The following MYO1E variants were observed in gnomAD, a reference collection of about 807,000 sequenced individuals.
The protein encoded by MYO1E is myosin IE, also known as unconventional myosin-Ie.
In MYO1E, 68 loss-of-function variants were observed where a neutral mutation model predicts 151.1. The observed-to-expected ratio is 0.45, with a 90% CI of 0.37 to 0.55. The LOEUF (loss-of-function observed/expected upper bound fraction) is 0.55, where lower values mean the gene tolerates loss of function less well. MYO1E is among the 20% of genes least tolerant of loss of function. MYO1E has a pLI of 0.00. For synonymous variants in MYO1E, 601 were observed against 501.7 expected (o/e 1.20, Z -2.64); for missense variants, 1,363 against 1,389.3 (o/e 0.98, Z 0.30).
chr15:59,137,574 G>T, intron 27 of MYO1E, 118 bp from the exon 28 acceptor site: 1 of 846,368 alleles, frequency 1.2e-6, no homozygotes, highest in Non-Finnish European at 2.0e-6. Context: ...TTTTCCCTTT[G>T]TTCTTTAAAT....
At chr15:59,367,672 T>C (rs567153274) in intron 1 of MYO1E, among the ~76,000 whole-genome samples, 13 of 152,334 alleles carry the variant, frequency 8.5e-5, no homozygotes, top group African/African-American at 3.1e-4. Context: ...CTACTGGGTA[T>C]GCAGTGAACG....
chr15:59,235,461 T>A (rs928025741), intron 5 of MYO1E, among the ~76,000 whole-genome samples: 1 of 152,244 alleles, frequency 6.6e-6, no homozygotes, highest in Non-Finnish European at 1.5e-5. Context: ...CTTTTGTAAT[T>A]AATGATACAT....
chr15:59,308,305 G>A (rs544934606), intron 1 of MYO1E, among the ~76,000 whole-genome samples: 5 of 151,628 alleles, frequency 3.3e-5, no homozygotes, highest in Non-Finnish European at 5.9e-5. Flanking sequence ...GGAGGCTGAG[G>A]GGGGCAGATC....
At chr15:59,244,035 C>T (rs1420530496) in intron 4 of MYO1E, among the ~76,000 whole-genome samples, 1 of 152,092 alleles carries the variant, frequency 6.6e-6, no homozygotes, top group Non-Finnish European at 1.5e-5. Flanking sequence ...AAATACATGC[C>T]ATGGCTAATG....
intron 18 of MYO1E, among the ~76,000 whole-genome samples, chr15:59,182,775 G>A (rs188391311): frequency 3.4e-4 from 51 of 152,224 alleles, no homozygotes; most frequent in Middle Eastern, 3.4e-3. Context: ...AGACAGATCC[G>A]GATAATCAAC....
At chr15:59,195,048 C>G (rs1450946408) in intron 17 of MYO1E, among the ~76,000 whole-genome samples, 1 of 152,202 alleles carries the variant, frequency 6.6e-6, no homozygotes, top group Admixed American at 6.5e-5. Context: ...TTTCCATCAG[C>G]TCTTACGCCC....
intron 1 of MYO1E, among the ~76,000 whole-genome samples, chr15:59,273,484 AAC>A (rs1467002867): frequency 6.6e-6 from 1 of 152,210 alleles, no homozygotes; most frequent in African/African-American, 2.4e-5. Context: ...ATGCGTCAAT[AAC>A]AGTCAACATA....
intron 25 of MYO1E, among the ~76,000 whole-genome samples, chr15:59,154,966 A>G (rs1239843081): frequency 1.2e-4 from 19 of 152,206 alleles, no homozygotes; most frequent in Non-Finnish European, 2.5e-4. Context: ...AGACCAGATC[A>G]GAACTAGACA....
chr15:59,208,318 T>C (rs2079853983), intron 14 of MYO1E: 1 of 559,726 alleles, frequency 1.8e-6, no homozygotes, highest in Non-Finnish European at 3.2e-6. Flanking sequence ...GCACTTGCCA[T>C]GTTATATATA....
Position 59,362,247 on chromosome 15 carries a change from A to G in MYO1E, c.3+10251T>C, listed in dbSNP as rs142556578. ...TTTGTGTTTTTGACATTTTTCTTAC[A>G]TGGTTTCAGATATGCGTCTTTCTAC... is the stretch of plus-strand genomic sequence containing the variant. On this transcript the variant is annotated intron_variant, in intron 1 of 27. Coordinates refer to ENST00000288235, the MANE Select transcript of MYO1E (RefSeq NM_004998.4). Among the ~76,000 whole-genome samples, 1,100 of 152,298 alleles carry G rather than the reference A, an allele frequency of 7.2e-3. 15 individuals carry two copies. Among genetic ancestry groups the G allele is most frequent in the African/African-American group, 0.026 (1,065 of 41,566 alleles).
intron 1 of MYO1E, among the ~76,000 whole-genome samples, chr15:59,329,303 T>C (rs773032177): frequency 1.3e-5 from 2 of 152,156 alleles, no homozygotes; most frequent in Non-Finnish European, 2.9e-5. Flanking sequence ...TGTTCTAACC[T>C]ATATTCAGTG....
chr15:59,341,699 C>T (rs1302903954), intron 1 of MYO1E, among the ~76,000 whole-genome samples: 1 of 152,072 alleles, frequency 6.6e-6, no homozygotes, highest in Non-Finnish European at 1.5e-5. Context: ...TTTTTTATTG[C>T]TGATTAGTAC....
chr15:59,353,732 G>A (rs753070048), intron 1 of MYO1E, among the ~76,000 whole-genome samples: 3 of 142,922 alleles, frequency 2.1e-5, no homozygotes, highest in Non-Finnish European at 3.0e-5. Flanking sequence ...ACCCCAGCTT[G>A]AGCAACAAGA....
intron 26 of MYO1E, among the ~76,000 whole-genome samples, chr15:59,151,061 G>C (rs1397148946): frequency 1.3e-5 from 2 of 148,628 alleles, no homozygotes; most frequent in South Asian, 4.2e-4. Context: ...GCGCGCGCGC[G>C]CACGTGCACT....
chr15:59,198,710 G>A (rs1007523765), intron 16 of MYO1E, among the ~76,000 whole-genome samples: 5 of 151,992 alleles, frequency 3.3e-5, no homozygotes, highest in Admixed American at 2.6e-4. Context: ...GTCCAGCCAC[G>A]TGGGAGGATG....
At chr15:59,269,097 G>A (rs1390334862) in intron 2 of MYO1E, among the ~76,000 whole-genome samples, 5 of 151,926 alleles carry the variant, frequency 3.3e-5, no homozygotes, top group Admixed American at 6.6e-5. Flanking sequence ...CGGTTTCTGT[G>A]GCAAAATGCA....
Position 59,163,137 on chromosome 15 carries a change from G to C in MYO1E, c.2627+20C>G, listed in dbSNP as rs769139155. ...CTTTTTAGCTACACGCAGAAGTCTGGGTCCCAGATCCGGACTTACGTATTG... is the reference window on the plus strand; with the variant it reads ...CTTTTTAGCTACACGCAGAAGTCTGCGTCCCAGATCCGGACTTACGTATTG... On this transcript the variant is annotated intron_variant, in intron 23 of 27. Transcript: ENST00000288235. 9 of 1,613,652 alleles carry C rather than the reference G, an allele frequency of 5.6e-6. No individual in the cohort carries two copies. Among genetic ancestry groups the C allele is most frequent in the South Asian group, 1.1e-5 (1 of 91,010 alleles).
intron 4 of MYO1E, among the ~76,000 whole-genome samples, chr15:59,256,019 AG>A (rs1239210616): frequency 2.0e-5 from 3 of 152,252 alleles, no homozygotes; most frequent in Non-Finnish European, 2.9e-5. Context: ...CCTACAGAAA[AG>A]GAATTCATCT....
chr15:59,144,906 C>T (rs969986325), intron 26 of MYO1E, among the ~76,000 whole-genome samples: 9 of 152,054 alleles, frequency 5.9e-5, no homozygotes, highest in African/African-American at 1.7e-4. Context: ...TGCAATGGTA[C>T]GATCTCGGCT....
Sources: allele counts gnomAD v4.1 joint callset (sites outside exome capture counted in the v4.1 genomes callset), GRCh38; gene constraint gnomAD v4.1.1; transcripts MANE v1.5; gene names NCBI Gene and HGNC (gene_info 2026-07-23, HGNC 2026-07-21).